Variants in PAK1 observed in about 807,000 individuals in gnomAD.
The protein encoded by PAK1 is p21 (RAC1) activated kinase 1.
Under a neutral mutation model 67.4 loss-of-function variants are expected in PAK1, and 29 were observed. The ratio of observed to expected loss-of-function variants is 0.43; its 90% CI spans 0.32 to 0.59. The LOEUF is 0.59. Ranked by LOEUF, PAK1 falls within the 20% of genes least tolerant of loss-of-function variation. PAK1 has a pLI of 0.07. For synonymous variants in PAK1, 223 were observed against 237.4 expected, an observed-to-expected ratio of 0.94 and a Z score of 0.56; for missense variants, 337 against 670.7, an observed-to-expected ratio of 0.50 and a Z score of 5.50.
At chr11:77,494,883 G>T in the PAK1 span, among the ~76,000 whole-genome samples, 1 of 152,182 alleles carries the variant, frequency 6.6e-6, no homozygotes. Context: ...TAAAAATTAG[G>T]CTGGGCGCGG....
At chr11:77,444,297 A>C (rs1956495853) in intron 1 of PAK1, among the ~76,000 whole-genome samples, 1 of 151,458 alleles carries the variant, frequency 6.6e-6, no homozygotes. Context: ...AAAAAAAAAA[A>C]AAAAAAAACC....
At chr11:77,411,651 G>GT (rs971284262) in intron 1 of PAK1, 3 of 152,314 alleles carry the variant, frequency 2.0e-5, no homozygotes, top group African/African-American at 7.2e-5. Context: ...GTCCCTTAAG[G>GT]TAAGAGGAAA....
At chr11:77,467,088 A>G (rs1048481863) in intron 1 of PAK1, among the ~76,000 whole-genome samples, 4 of 152,226 alleles carry the variant, frequency 2.6e-5, no homozygotes, top group African/African-American at 4.8e-5. Flanking sequence ...GGGCTCCCCA[A>G]ACAGGCTCTC....
intron 5 of PAK1, among the ~76,000 whole-genome samples, chr11:77,359,856 G>A (rs538601575): frequency 3.9e-4 from 59 of 152,192 alleles, no homozygotes; most frequent in African/African-American, 1.3e-3. Context: ...GATACCAAAT[G>A]ATTCTATCAT....
upstream of PAK1, chr11:77,475,796 G>A (rs1319667179): frequency 6.6e-6 from 1 of 152,200 alleles, no homozygotes; most frequent in African/African-American, 2.4e-5. Context: ...AATTTCTTGA[G>A]TTCCAAGTCA....
At chr11:77,354,619 G>T (rs1945751323) in intron 7 of PAK1, among the ~76,000 whole-genome samples, 1 of 152,134 alleles carries the variant, frequency 6.6e-6, no homozygotes, top group Non-Finnish European at 1.5e-5. Context: ...CTACATACAG[G>T]AGTAAACAGA....
intron 14 of PAK1, among the ~76,000 whole-genome samples, chr11:77,324,756 C>CAA (rs1939314430): frequency 7.8e-6 from 1 of 127,760 alleles, no homozygotes; most frequent in Admixed American, 7.1e-5. Flanking sequence ...TGTATACACA[C>CAA]ACACACACAC....
At chr11:77,464,564 ATG>A (rs1359540148) in intron 1 of PAK1, among the ~76,000 whole-genome samples, 1 of 152,244 alleles carries the variant, frequency 6.6e-6, no homozygotes, top group East Asian at 1.9e-4. Context: ...ATCAATAAAT[ATG>A]TGTAGTCTAA....
At chr11:77,337,706 C>T (rs888330038) in intron 11 of PAK1, among the ~76,000 whole-genome samples, 3 of 151,810 alleles carry the variant, frequency 2.0e-5, no homozygotes, top group African/African-American at 7.3e-5. Context: ...TAATTAGATC[C>T]TTGGTAAAGG....
chr11:77,440,393 A>G (rs1003795431), intron 1 of PAK1, among the ~76,000 whole-genome samples: 3 of 152,170 alleles, frequency 2.0e-5, no homozygotes, highest in African/African-American at 7.2e-5. Context: ...ATAAAGAACA[A>G]AAATAATAAT....
chr11:77,432,485 C>T (rs1448043467), intron 1 of PAK1, among the ~76,000 whole-genome samples: 9 of 151,896 alleles, frequency 5.9e-5, no homozygotes. Flanking sequence ...GAAATACAAG[C>T]ACCTAGATTA....
intron 1 of PAK1, among the ~76,000 whole-genome samples, chr11:77,400,332 C>T (rs538289221): frequency 2.0e-5 from 3 of 152,182 alleles, no homozygotes; most frequent in South Asian, 2.1e-4. Context: ...TTCTGCACCA[C>T]GTAGAGCACT....
In PAK1 at chr11:77,323,258, TG is replaced by T. The variant is rs1468090880; in HGVS notation, c.*15del. The T allele has an allele frequency of 6.2e-7, 1 of 1,613,618 alleles. No homozygotes were observed. Among genetic ancestry groups the T allele is most frequent in the African/African-American group, 1.3e-5 (1 of 75,012 alleles). ...CACAGAAGGCTTGGCACAATGAGGC[TG>T]GGGTGAGTGTGGTTTTAGTGATTGT... On this transcript the variant is annotated 3_prime_UTR_variant, in exon 15 of 15. Coordinates refer to ENST00000356341, the MANE Select transcript of PAK1 (RefSeq NM_002576.5).
At chr11:77,471,551 G>T (rs1957854673) in intron 1 of PAK1, among the ~76,000 whole-genome samples, 1 of 152,168 alleles carries the variant, frequency 6.6e-6, no homozygotes, top group African/African-American at 2.4e-5. Context: ...AGGCAGGTAA[G>T]GGGTGGAAGG....
chr11:77,443,186 G>A (rs1274636104), intron 1 of PAK1, among the ~76,000 whole-genome samples: 1 of 151,732 alleles, frequency 6.6e-6, no homozygotes, highest in Non-Finnish European at 1.5e-5. Flanking sequence ...AGCCGGGTGT[G>A]GTAGCGCACG....
At chr11:77,456,077 G>A (rs1004218937) in intron 1 of PAK1, 2 of 152,154 alleles carry the variant, frequency 1.3e-5, no homozygotes, top group African/African-American at 4.8e-5. Context: ...AGTTGGAAAT[G>A]ATACCACTGC....
chr11:77,458,173 A>C (rs1195281408), intron 1 of PAK1, among the ~76,000 whole-genome samples: 2 of 152,206 alleles, frequency 1.3e-5, no homozygotes. Context: ...TTTTTTTAAA[A>C]TGTTGATGGG....
chr11:77,429,056 T>TAAAAAAAAAAAAAAAAAAAAAAA lies in PAK1; in HGVS notation c.-21-36538_-21-36516dup, dbSNP rs566874549. The stretch of plus-strand genomic sequence containing the variant: ...TTGGATTCTAAATGCCATTTAATAC[T>TAAAAAAAAAAAAAAAAAAAAAAA]AAAAAAAAAAAAAAAAAAAAAAAAA... On this transcript the variant is annotated intron_variant, in intron 1 of 14. Transcript: ENST00000356341. Among the ~76,000 whole-genome samples, 33 of 48,994 alleles carry TAAAAAAAAAAAAAAAAAAAAAAA rather than the reference T, an allele frequency of 6.7e-4. 4 individuals are homozygous for TAAAAAAAAAAAAAAAAAAAAAAA. Among genetic ancestry groups the TAAAAAAAAAAAAAAAAAAAAAAA allele is most frequent in the Admixed American group, 1.5e-3 (5 of 3,422 alleles). The allele number at this position is 48,994 out of a possible 152,430, so 32.1% of individuals were successfully genotyped here. A position where few individuals can be genotyped will look rare whatever the true frequency, so the allele number is the denominator to read the frequency against.
chr11:77,518,910 C>G, the PAK1 span, among the ~76,000 whole-genome samples: 1 of 152,258 alleles, frequency 6.6e-6, no homozygotes, highest in Non-Finnish European at 1.5e-5. Context: ...AAATGCCCAT[C>G]ACTTAGATTC....
Sources: allele counts gnomAD v4.1 joint callset (sites outside exome capture counted in the v4.1 genomes callset), GRCh38; gene constraint gnomAD v4.1.1; transcripts MANE v1.5; gene names NCBI Gene and HGNC (gene_info 2026-07-23, HGNC 2026-07-21).